The following NELL1 variants were observed in gnomAD, a reference collection of about 807,000 sequenced individuals.
The protein encoded by NELL1 is neural EGFL like 1.
Under a neutral mutation model 107.4 loss-of-function variants are expected in NELL1, and 76 were observed. That is an observed-to-expected ratio of 0.71 (90% CI 0.59 to 0.86). The LOEUF is 0.86. Among genes scored for constraint, NELL1 ranks in the 40% least tolerant of loss-of-function variants. NELL1 has a pLI of 0.00. For synonymous variants in NELL1, 353 were observed against 341.2 expected (o/e 1.03, Z -0.38); for missense variants, 1,024 against 1,005.5 (o/e 1.02, Z -0.25).
rs565567374 is a variant in NELL1, at chr11:21,477,882, TAATA to T, written c.1646-56485_1646-56482del. Among the ~76,000 whole-genome samples the T allele has an allele frequency of 3.3e-3, 477 of 144,144 alleles. 3 individuals are homozygous for T. The highest frequency in any genetic ancestry group is 0.015 in the South Asian group (69 of 4,620). 94.6% of individuals were successfully genotyped at this position (144,144 alleles called of 152,430 possible). A position where few individuals can be genotyped will look rare whatever the true frequency, so the allele number is the denominator to read the frequency against. On this transcript the variant is annotated intron_variant, in intron 15 of 19. Coordinates refer to ENST00000357134, the MANE Select transcript of NELL1 (RefSeq NM_006157.5). The stretch of plus-strand genomic sequence containing the variant: ...GTTATTTATAATAATAAATAAATTA[TAATA>T]AATAAAATTATAAAAATTATAAGAA...
chr11:20,837,939 C>T (rs967202272), intron 3 of NELL1, among the ~76,000 whole-genome samples: 18 of 151,996 alleles, frequency 1.2e-4, no homozygotes, highest in Non-Finnish European at 1.5e-5. Context: ...GAATATAACT[C>T]CCCACTCCTT....
chr11:20,893,927 G>A (rs1849671923), intron 5 of NELL1, among the ~76,000 whole-genome samples: 1 of 150,320 alleles, frequency 6.7e-6, no homozygotes, highest in East Asian at 1.9e-4. Context: ...ATTTCAAACT[G>A]CAAGGCCAAA....
At chr11:20,682,488 G>A (rs1590201563) in intron 2 of NELL1, among the ~76,000 whole-genome samples, 1 of 151,936 alleles carries the variant, frequency 6.6e-6, no homozygotes, top group South Asian at 2.1e-4. Flanking sequence ...TAATTGATAT[G>A]TATGTTGATT....
Position 21,172,290 on chromosome 11 carries a change from G to A in NELL1, c.1427-57042G>A, listed in dbSNP as rs866404827. Among the ~76,000 whole-genome samples the A allele has an allele frequency of 4.0e-5, 6 of 151,796 alleles. No individual in the cohort carries two copies. The South Asian group carries it at 1.0e-3, about 26-fold the overall frequency. ...CATCAGTAGACCAAGGAATTGCTACGTTTTAGCTCAAGCTTGTTAGCACAG... is the reference window on the plus strand; with the variant it reads ...CATCAGTAGACCAAGGAATTGCTACATTTTAGCTCAAGCTTGTTAGCACAG... On this transcript the variant is annotated intron_variant, in intron 13 of 19. Transcript: ENST00000357134.
chr11:21,177,735 A>G (rs1004253992), intron 13 of NELL1, among the ~76,000 whole-genome samples: 4 of 151,846 alleles, frequency 2.6e-5, no homozygotes, highest in African/African-American at 9.7e-5. Flanking sequence ...CATTCCTACC[A>G]ACAGTGTGCA....
chr11:20,948,782 A>C (rs1057041968), intron 11 of NELL1, among the ~76,000 whole-genome samples: 5 of 151,656 alleles, frequency 3.3e-5, no homozygotes, highest in East Asian at 1.9e-4. Flanking sequence ...AAAAAAAAAA[A>C]AAAAACAGTT....
At chr11:21,558,084 C>T (rs1006394416) in intron 16 of NELL1, among the ~76,000 whole-genome samples, 1 of 151,814 alleles carries the variant, frequency 6.6e-6, no homozygotes, top group Non-Finnish European at 1.5e-5. Flanking sequence ...GAGGCTTAAC[C>T]TGAATTTTTA....
chr11:20,750,932 A>G (rs537488227), intron 2 of NELL1, among the ~76,000 whole-genome samples: 61 of 152,286 alleles, frequency 4.0e-4, no homozygotes, highest in African/African-American at 1.4e-3. Flanking sequence ...GTTGGGGTTC[A>G]GCTTTTAAAA....
chr11:21,555,522 T>A (rs1856684014), intron 16 of NELL1, among the ~76,000 whole-genome samples: 1 of 151,782 alleles, frequency 6.6e-6, no homozygotes, highest in African/African-American at 2.4e-5. Context: ...TTTTCCTTTG[T>A]CAAAAGAGAG....
At chr11:21,189,850 G>T (rs1428367478) in intron 13 of NELL1, among the ~76,000 whole-genome samples, 3 of 151,728 alleles carry the variant, frequency 2.0e-5, no homozygotes, top group Admixed American at 6.6e-5. Flanking sequence ...TAAGAAAAAA[G>T]ATATTTTGTT....
At chr11:21,525,670 C>A (rs916676943) in intron 15 of NELL1, among the ~76,000 whole-genome samples, 2 of 152,126 alleles carry the variant, frequency 1.3e-5, no homozygotes, top group African/African-American at 4.8e-5. Flanking sequence ...ACTCACAGTT[C>A]CACATGGCTG....
At chr11:20,760,884 C>G (rs1305605535) in intron 2 of NELL1, among the ~76,000 whole-genome samples, 1 of 152,174 alleles carries the variant, frequency 6.6e-6, no homozygotes, top group Non-Finnish European at 1.5e-5. Context: ...TCTCACTTGG[C>G]CCCTTTGGAA....
intron 12 of NELL1, among the ~76,000 whole-genome samples, chr11:21,101,285 A>T (rs529722840): frequency 6.6e-6 from 1 of 152,164 alleles, no homozygotes; most frequent in African/African-American, 2.4e-5. Flanking sequence ...TGTGAATAGT[A>T]CCGCAATAAA....
chr11:21,191,774 T>G (rs1857054823), intron 13 of NELL1, among the ~76,000 whole-genome samples: 1 of 151,974 alleles, frequency 6.6e-6, no homozygotes, highest in Non-Finnish European at 1.5e-5. Context: ...GAAACTTGGA[T>G]TATGGTTTCA....
At chr11:20,924,794 C>G (rs902725370) in intron 7 of NELL1, among the ~76,000 whole-genome samples, 4 of 152,112 alleles carry the variant, frequency 2.6e-5, no homozygotes, top group African/African-American at 9.7e-5. Flanking sequence ...CTGTTACTGC[C>G]TTGTGTAGGA....
chr11:20,863,367 GC>G (rs1849021589), intron 4 of NELL1, among the ~76,000 whole-genome samples: 1 of 41,250 alleles, frequency 2.4e-5, no homozygotes. Context: ...GGCGGGGGCT[GC>G]CCCCCACCTC....
intron 15 of NELL1, among the ~76,000 whole-genome samples, chr11:21,417,074 C>G (rs1344405437): frequency 2.0e-5 from 3 of 151,938 alleles, no homozygotes; most frequent in Admixed American, 2.0e-4. Context: ...CTTCATGCAC[C>G]TAAACAGTAT....
rs142012176 is a variant in NELL1, at chr11:21,123,334, CGTGTGTGTGTGT to C, written c.1426+9642_1426+9653del. On this transcript the variant is annotated intron_variant, in intron 13 of 19. Coordinates refer to ENST00000357134, the MANE Select transcript of NELL1 (RefSeq NM_006157.5). ...TTGTCAAGGAAGATGTGTGTGCCTG[CGTGTGTGTGTGT>C]GTGTGTGTGTGTGTGTGTGTGCGTT... is the stretch of plus-strand genomic sequence containing the variant. 3.8e-3 allele frequency among the ~76,000 whole-genome samples: 498 copies of C among 132,476 alleles called. 2 individuals carry two copies. Among genetic ancestry groups the C allele is most frequent in the African/African-American group, 0.012 (471 of 37,816 alleles). The allele number at this position is 132,476 out of a possible 152,430, so 86.9% of individuals were successfully genotyped here.
intron 12 of NELL1, among the ~76,000 whole-genome samples, chr11:20,963,055 G>A (rs1453880047): frequency 6.6e-6 from 1 of 152,102 alleles, no homozygotes; most frequent in Non-Finnish European, 1.5e-5. Flanking sequence ...CATTCCTTCT[G>A]CCATCTTCAG....
Sources: gnomAD v4.1 joint callset for allele counts (sites outside exome capture counted in the v4.1 genomes callset) on GRCh38, gnomAD v4.1.1 for gene constraint, MANE v1.5 for transcripts, NCBI Gene and HGNC (gene_info 2026-07-23, HGNC 2026-07-21) for gene names.